The following LRMDA variants were observed in gnomAD, a reference collection of about 807,000 sequenced individuals.
The protein encoded by LRMDA is leucine rich melanocyte differentiation associated.
In LRMDA, 18 loss-of-function variants were observed where a neutral mutation model predicts 29.8. That is an observed-to-expected ratio of 0.60 (90% confidence interval 0.42 to 0.90). The LOEUF (loss-of-function observed/expected upper bound fraction) is 0.90, where lower values mean the gene tolerates loss of function less well. Among genes scored for constraint, LRMDA ranks in the 40% least tolerant of loss-of-function variants. The probability of loss-of-function intolerance (pLI) is 0.00; values close to 1 mark genes in which losing one functional copy is unlikely to be tolerated. For missense variants in LRMDA, 273 were observed against 273.9 expected (o/e 1.00, Z 0.02); for synonymous variants, 125 against 109.4 (o/e 1.14, Z -0.89).
chr10:75,445,031 C>T (rs761605700), intron 2 of LRMDA, among the ~76,000 whole-genome samples: 2 of 152,182 alleles, frequency 1.3e-5, no homozygotes, highest in African/African-American at 2.4e-5. Context: ...CAGGCTCAAA[C>T]GATCCTCCCA....
At chr10:76,298,753 C>CAT (rs1299785781) in intron 5 of LRMDA, among the ~76,000 whole-genome samples, 1 of 152,194 alleles carries the variant, frequency 6.6e-6, no homozygotes, top group Non-Finnish European at 1.5e-5. Flanking sequence ...TTCCATGAAG[C>CAT]ATACCATTCT....
At chr10:76,502,796 CAG>C (rs1842924061) in intron 6 of LRMDA, among the ~76,000 whole-genome samples, 1 of 150,770 alleles carries the variant, frequency 6.6e-6, no homozygotes, top group South Asian at 2.1e-4. Flanking sequence ...AGCCTTTTGG[CAG>C]AGTCTTTAGG....
intron 2 of LRMDA, among the ~76,000 whole-genome samples, chr10:75,800,820 TA>T (rs577342981): frequency 5.2e-4 from 79 of 152,366 alleles, no homozygotes; most frequent in African/African-American, 1.8e-3. Context: ...TCCATTGCGT[TA>T]ATATGTTGCA....
chr10:75,724,388 T>G (rs1413188607), intron 2 of LRMDA, among the ~76,000 whole-genome samples: 1 of 152,260 alleles, frequency 6.6e-6, no homozygotes, highest in Non-Finnish European at 1.5e-5. Context: ...TCCATTTTCC[T>G]GACTGTTTTC....
intron 2 of LRMDA, among the ~76,000 whole-genome samples, chr10:75,558,369 G>T (rs536488810): frequency 3.3e-5 from 5 of 152,026 alleles, no homozygotes; most frequent in Admixed American, 2.6e-4. Context: ...ATAAAAATTT[G>T]CACTGGATAA....
chr10:76,082,606 G>A (rs924785993), intron 5 of LRMDA, among the ~76,000 whole-genome samples: 2 of 151,734 alleles, frequency 1.3e-5, no homozygotes, highest in Non-Finnish European at 2.9e-5. Flanking sequence ...ATCAGACTTT[G>A]GAGAAATCAG....
chr10:75,759,040 A>G (rs367788857), intron 2 of LRMDA, among the ~76,000 whole-genome samples: 32 of 151,958 alleles, frequency 2.1e-4, no homozygotes, highest in African/African-American at 6.8e-4. Flanking sequence ...ATCCACATCT[A>G]TCTGTTCTTG....
At chr10:75,563,698 A>G (rs1840330830) in intron 2 of LRMDA, among the ~76,000 whole-genome samples, 1 of 151,610 alleles carries the variant, frequency 6.6e-6, no homozygotes, top group South Asian at 2.1e-4. Flanking sequence ...TGATGTACAG[A>G]TGGATTTTTG....
chr10:75,690,310 T>C (rs910819665), intron 2 of LRMDA, among the ~76,000 whole-genome samples: 1 of 152,142 alleles, frequency 6.6e-6, no homozygotes, highest in Non-Finnish European at 1.5e-5. Context: ...CCCTGACTTC[T>C]AAATTTTTTT....
chr10:76,438,238 A>G (rs1842265135), intron 6 of LRMDA, among the ~76,000 whole-genome samples: 1 of 152,208 alleles, frequency 6.6e-6, no homozygotes, highest in Non-Finnish European at 1.5e-5. Context: ...CAGGAGGCTC[A>G]CAGGACCCTC....
intron 2 of LRMDA, among the ~76,000 whole-genome samples, chr10:75,852,457 G>C (rs1347767426): frequency 1.3e-5 from 2 of 151,796 alleles, no homozygotes; most frequent in African/African-American, 2.4e-5. Flanking sequence ...TTGTAAATTA[G>C]TTTCATTTAG....
chr10:75,766,389 T>C (rs562885696), intron 2 of LRMDA, among the ~76,000 whole-genome samples: 129 of 152,198 alleles, frequency 8.5e-4, no homozygotes, highest in African/African-American at 3.1e-3. Flanking sequence ...TCAAAAAGCA[T>C]TAGTTGAAGG....
chr10:76,158,302 G>A lies in LRMDA; in HGVS notation c.516+99519G>A, dbSNP rs556519124. ...CTTCTTCCTGGTAACCTTCATTTTTGCTTTCCTATATAAAACCTTCTAAAC... is the reference window on the plus strand; with the variant it reads ...CTTCTTCCTGGTAACCTTCATTTTTACTTTCCTATATAAAACCTTCTAAAC... On this transcript the variant is annotated intron_variant, in intron 5 of 6. Transcript: ENST00000611255. Among the ~76,000 whole-genome samples, 175 of 151,944 alleles carry A rather than the reference G, an allele frequency of 1.2e-3. 5 individuals are homozygous for A. The South Asian group carries it at 0.032, about 28-fold the overall frequency.
intron 2 of LRMDA, among the ~76,000 whole-genome samples, chr10:75,530,697 A>T (rs1169567684): frequency 6.6e-6 from 1 of 152,124 alleles, no homozygotes; most frequent in Non-Finnish European, 1.5e-5. Context: ...GTTTCAGGTA[A>T]TGGCTCACTG....
chr10:76,191,770 T>C (rs1005642033), intron 5 of LRMDA, among the ~76,000 whole-genome samples: 1 of 152,164 alleles, frequency 6.6e-6, no homozygotes, highest in Non-Finnish European at 1.5e-5. Context: ...ACTCTTTCGA[T>C]TACCTTGCAA....
intron 5 of LRMDA, among the ~76,000 whole-genome samples, chr10:76,132,381 T>C (rs1850008860): frequency 6.6e-6 from 1 of 152,142 alleles, no homozygotes; most frequent in South Asian, 2.1e-4. Flanking sequence ...GTCAGCTCAT[T>C]TCCTTGTAGA....
intron 2 of LRMDA, among the ~76,000 whole-genome samples, chr10:76,025,954 T>G (rs1246927860): frequency 6.6e-6 from 1 of 152,192 alleles, no homozygotes; most frequent in Non-Finnish European, 1.5e-5. Flanking sequence ...AGCACAGAGT[T>G]GGCACTCAAT....
intron 2 of LRMDA, among the ~76,000 whole-genome samples, chr10:75,798,764 T>C (rs1305488701): frequency 6.6e-6 from 1 of 152,118 alleles, no homozygotes; most frequent in Non-Finnish European, 1.5e-5. Context: ...ATTATATGTG[T>C]TTTCTAGATA....
chr10:76,423,877 A>G (rs183834834), intron 6 of LRMDA, among the ~76,000 whole-genome samples: 7 of 152,286 alleles, frequency 4.6e-5, no homozygotes, highest in Admixed American at 4.6e-4. Context: ...TGAGGCCCCA[A>G]GGGGTGAGGG....
Sources: allele counts gnomAD v4.1 joint callset (sites outside exome capture counted in the v4.1 genomes callset), GRCh38; gene constraint gnomAD v4.1.1; transcripts MANE v1.5; gene names NCBI Gene and HGNC (gene_info 2026-07-23, HGNC 2026-07-21).